The following FGF5 variants were observed in gnomAD, a reference collection of about 807,000 sequenced individuals.
The protein encoded by FGF5 is fibroblast growth factor 5, also known as heparin-binding growth factor 5.
Under a neutral mutation model 21.8 loss-of-function variants are expected in FGF5, and 23 were observed. That is an observed-to-expected ratio of 1.05 (90% CI 0.76 to 1.49). FGF5 has a LOEUF of 1.49. Ranked by LOEUF, FGF5 falls within the 40% of genes most tolerant of loss-of-function variation. FGF5 has a pLI of 0.00. For missense variants in FGF5, 352 were observed against 332.9 expected, an observed-to-expected ratio of 1.06 and a Z score of -0.45; for synonymous variants, 158 against 124.0, an observed-to-expected ratio of 1.27 and a Z score of -1.82.
intron 1 of FGF5, among the ~76,000 whole-genome samples, chr4:80,272,249 CT>C (rs1720290342): frequency 6.6e-6 from 1 of 152,094 alleles, no homozygotes; most frequent in Admixed American, 6.5e-5. Flanking sequence ...AGATAATTTT[CT>C]TAAGGTTATA....
chr4:80,267,619 G>T (rs1720133924), intron 1 of FGF5, among the ~76,000 whole-genome samples: 1 of 152,136 alleles, frequency 6.6e-6, no homozygotes, highest in Non-Finnish European at 1.5e-5. Flanking sequence ...TTGAAAAGAA[G>T]AATCAAATCC....
chr4:80,268,719 C>T (rs11730608), intron 1 of FGF5, among the ~76,000 whole-genome samples: 8,128 of 152,284 alleles, frequency 0.053, 528 homozygotes, highest in South Asian at 0.15. Context: ...CAGCCTGCGG[C>T]GCACGTGGTG....
At position 80,286,734 on chromosome 4, in the gene FGF5, A is replaced by G. The variant is rs1720742806; in HGVS notation, c.*62A>G. On this transcript the variant is annotated 3_prime_UTR_variant, in exon 3 of 3. Transcript: ENST00000312465. ...CTCAGGAGTTTCTATAGGTGTCTTC[A>G]GAGTTCTGAAGAAAAATTACTGGAC... 7.8e-7 allele frequency: 1 copy of G among 1,274,564 alleles called. No homozygotes were observed. The highest frequency in any genetic ancestry group is 1.5e-5 in the African/African-American group (1 of 66,362). The allele number at this position is 1,274,564 out of a possible 1,614,324, so 79.0% of individuals were successfully genotyped here. A position where few individuals can be genotyped will look rare whatever the true frequency, so the allele number is the denominator to read the frequency against.
chr4:80,274,177 C>CA (rs1720347104), intron 1 of FGF5, among the ~76,000 whole-genome samples: 1 of 152,054 alleles, frequency 6.6e-6, no homozygotes, highest in Non-Finnish European at 1.5e-5. Flanking sequence ...GACAGAGGGA[C>CA]ATTGACTTCA....
intron 2 of FGF5, among the ~76,000 whole-genome samples, chr4:80,284,705 C>T (rs558483322): frequency 5.9e-5 from 9 of 152,320 alleles, no homozygotes; most frequent in African/African-American, 2.2e-4. Context: ...CAGTAACCTG[C>T]ACTGCTCAGA....
At chr4:80,267,264 G>T (rs1720124109) in intron 1 of FGF5, 85 bp downstream of exon 1, 2 of 1,138,474 alleles carry the variant, frequency 1.8e-6, no homozygotes. Flanking sequence ...CGGGACACAG[G>T]CTCACCTTCC....
At chr4:80,271,872 T>C (rs1402826777) in intron 1 of FGF5, among the ~76,000 whole-genome samples, 2 of 152,194 alleles carry the variant, frequency 1.3e-5, no homozygotes, top group Admixed American at 6.5e-5. Context: ...ATATTTGTGA[T>C]TTAAGGCACA....
At chr4:80,272,390 A>T (rs993470474) in intron 1 of FGF5, among the ~76,000 whole-genome samples, 21 of 152,170 alleles carry the variant, frequency 1.4e-4, no homozygotes, top group Non-Finnish European at 2.9e-4. Context: ...AAAATACATT[A>T]CATGCAACTT....
At chr4:80,276,026 G>A (rs946509912) in intron 2 of FGF5, among the ~76,000 whole-genome samples, 1 of 151,916 alleles carries the variant, frequency 6.6e-6, no homozygotes. Flanking sequence ...AAAATTCAAT[G>A]AGAACGCCAC....
intron 2 of FGF5, among the ~76,000 whole-genome samples, chr4:80,278,830 C>T (rs937672926): frequency 4.6e-5 from 7 of 152,124 alleles, no homozygotes; most frequent in Non-Finnish European, 8.8e-5. Flanking sequence ...GGTTTTTCAG[C>T]ATTCTTTACA....
rs775487895 is a variant in FGF5 at position 80,267,192 on chromosome 4, C to G, written c.355+13C>G. On this transcript the variant is annotated intron_variant, in intron 1 of 2. Transcript: ENST00000312465. ...GCCAATATGTTAAGTAAGTTACTCG[C>G]TCTCCTACAAAACCCGTCCTAGGCG... The G allele has an allele frequency of 6.3e-7, 1 of 1,578,270 alleles. No homozygotes were observed. The highest frequency in any genetic ancestry group is 1.2e-5 in the South Asian group (1 of 86,042).
At chr4:80,271,841 G>T (rs552502992) in intron 1 of FGF5, among the ~76,000 whole-genome samples, 2 of 152,266 alleles carry the variant, frequency 1.3e-5, no homozygotes, top group East Asian at 1.9e-4. Flanking sequence ...CAATGTCAGA[G>T]AAATGTTTTC....
chr4:80,283,488 T>C (rs1036781868), intron 2 of FGF5, among the ~76,000 whole-genome samples: 4 of 152,132 alleles, frequency 2.6e-5, no homozygotes, highest in African/African-American at 4.8e-5. Context: ...GGAAATGATA[T>C]AGATTCCTGT....
chr4:80,268,370 AGCAGCGC>A lies in FGF5; in HGVS notation c.355+1192_355+1198del, dbSNP rs1441511870. 4 of 498,792 alleles carry A rather than the reference AGCAGCGC, an allele frequency of 8.0e-6. No individual in the cohort carries two copies. The African/African-American group carries it at 8.4e-5, about 10-fold the overall frequency. 30.9% of individuals were successfully genotyped at this position (498,792 alleles called of 1,614,324 possible). A position where few individuals can be genotyped will look rare whatever the true frequency, so the allele number is the denominator to read the frequency against. ...GAGACCGGAAATGTAGCCAGGAGACAGCAGCGCTCACAGTCACCTGGTTTCAGTGTCA... is the reference window on the plus strand; with the variant it reads ...GAGACCGGAAATGTAGCCAGGAGACATCACAGTCACCTGGTTTCAGTGTCA... On this transcript the variant is annotated intron_variant, in intron 1 of 2. Transcript: ENST00000312465.
In FGF5 at chr4:80,274,987, C is replaced by CA. The variant is rs35667286; in HGVS notation, c.441dup (p.Gly148ArgfsTer12). On this transcript the variant is annotated frameshift_variant, in exon 2 of 3. Transcript: ENST00000312465. LOFTEE classifies it high-confidence loss of function. ...TTCAGCAACAAATTTTTAGCGATGT[C>CA]AAAAAAAGGAAAACTCCATGCAAGT... 1.0e-5 allele frequency: 16 copies of CA among 1,570,394 alleles called. No individual in the cohort carries two copies. Among genetic ancestry groups the CA allele is most frequent in the South Asian group, 2.3e-5 (2 of 88,040 alleles).
chr4:80,284,836 GA>G (rs1406537634), intron 2 of FGF5, among the ~76,000 whole-genome samples: 2 of 151,982 alleles, frequency 1.3e-5, no homozygotes, highest in African/African-American at 2.4e-5. Flanking sequence ...AAAAAACAAG[GA>G]AAAAAAGGCC....
intron 2 of FGF5, among the ~76,000 whole-genome samples, chr4:80,279,323 A>G (rs1720493129): frequency 6.6e-6 from 1 of 152,260 alleles, no homozygotes; most frequent in African/African-American, 2.4e-5. Context: ...TAAAACACTT[A>G]GAGTACTGCC....
In FGF5 at chr4:80,274,933, C is replaced by A; in HGVS notation, c.380C>A (p.Ser127Tyr). The change falls in exon 2 of 3, where the codon TCT becomes TAT. Residue 127 changes from serine to tyrosine, a missense_variant. Transcript: ENST00000312465. ...MLSVLEIFAV[S>Y]QGIVGIRGVF... ...GGTGTTTTGGAAATATTTGCTGTGT[C>A]TCAGGGGATTGTAGGAATACGAGGA... The A allele has an allele frequency of 6.3e-7, 1 of 1,586,624 alleles. No homozygotes were observed. Among genetic ancestry groups the A allele is most frequent in the Non-Finnish European group, 8.6e-7 (1 of 1,159,442 alleles).
intron 2 of FGF5, among the ~76,000 whole-genome samples, chr4:80,281,349 T>A (rs1035443988): frequency 2.0e-5 from 3 of 152,196 alleles, no homozygotes; most frequent in African/African-American, 7.2e-5. Context: ...GGAAACTTAG[T>A]TTAGAGCAAA....
Sources: gnomAD v4.1 joint callset for allele counts (sites outside exome capture counted in the v4.1 genomes callset) on GRCh38, gnomAD v4.1.1 for gene constraint, MANE v1.5 for transcripts, NCBI Gene and HGNC (gene_info 2026-07-23, HGNC 2026-07-21) for gene names.